The following CCDC30 variants were observed in gnomAD, a reference collection of about 807,000 sequenced individuals.
The protein encoded by CCDC30 is coiled-coil domain-containing protein 30.
CCDC30 carries 70 observed loss-of-function variants against 100.2 expected under a neutral mutation model. The ratio of observed to expected loss-of-function variants is 0.70; its 90% confidence interval spans 0.58 to 0.85. The LOEUF (loss-of-function observed/expected upper bound fraction) is 0.85. CCDC30 is among the 40% of genes least tolerant of loss of function. The pLI is 0.00. For synonymous variants in CCDC30, 233 were observed against 269.5 expected (o/e 0.86, Z 1.33); for missense variants, 652 against 771.2 (o/e 0.85, Z 1.83).
chr1:42,546,333 C>T (rs1317824797), intron 6 of CCDC30, among the ~76,000 whole-genome samples: 5 of 141,490 alleles, frequency 3.5e-5, no homozygotes, highest in African/African-American at 1.1e-4. Flanking sequence ...TGCGGTGAGC[C>T]GAGATCACGC....
chr1:42,605,445 T>A (rs7518965), intron 10 of CCDC30, among the ~76,000 whole-genome samples: 6,459 of 152,200 alleles, frequency 0.042, 441 homozygotes, highest in African/African-American at 0.14. Flanking sequence ...AAGTCACTTG[T>A]GTGTCCAAGT....
chr1:42,523,187 C>A lies in CCDC30; in HGVS notation c.456+24271C>A, dbSNP rs1291894124. ...CTTTTACTGAGATCTTTATTAATTT[C>A]ATATGGCTTTGGGTTGTTGTCTACT... is the stretch of plus-strand genomic sequence containing the variant. On this transcript the variant is annotated intron_variant, in intron 6 of 16. Coordinates refer to ENST00000668663, the Ensembl canonical transcript of CCDC30. Among the ~76,000 whole-genome samples, 5 of 152,148 alleles carry A rather than the reference C, an allele frequency of 3.3e-5. No homozygotes were observed. In the East Asian group the frequency reaches 9.6e-4, roughly 29 times the overall value.
chr1:42,610,868 C>A, intron 10 of CCDC30, 110 bp from the exon 15 acceptor site: 1 of 568,860 alleles, frequency 1.8e-6, no homozygotes. Flanking sequence ...ATCTCAGAAG[C>A]AGGAGTGACT....
chr1:42,532,762 A>T (rs1348614645), intron 6 of CCDC30, among the ~76,000 whole-genome samples: 1 of 151,964 alleles, frequency 6.6e-6, no homozygotes, highest in Non-Finnish European at 1.5e-5. Flanking sequence ...GAAAGTTTTT[A>T]TTTATTTATT....
At chr1:42,503,161 G>T (rs1314888016) in intron 6 of CCDC30, among the ~76,000 whole-genome samples, 1 of 152,180 alleles carries the variant, frequency 6.6e-6, no homozygotes. Context: ...TGGGATTATA[G>T]ACATGAGCCA....
chr1:42,549,876 C>T (rs1645214993), intron 6 of CCDC30, among the ~76,000 whole-genome samples: 1 of 152,180 alleles, frequency 6.6e-6, no homozygotes, highest in Non-Finnish European at 1.5e-5. Context: ...GCTTCCTTGA[C>T]CTTAATGAGC....
chr1:42,492,848 T>C (rs1644167637), intron 4 of CCDC30, among the ~76,000 whole-genome samples: 1 of 152,010 alleles, frequency 6.6e-6, no homozygotes, highest in Non-Finnish European at 1.5e-5. Flanking sequence ...GGTTTCACCA[T>C]GTTGGCCAGG....
chr1:42,526,832 A>G (rs1254099787), intron 6 of CCDC30, among the ~76,000 whole-genome samples: 1 of 152,202 alleles, frequency 6.6e-6, no homozygotes, highest in Non-Finnish European at 1.5e-5. Flanking sequence ...TTTGTCTTAT[A>G]GAATGAAACT....
intron 9 of CCDC30, among the ~76,000 whole-genome samples, chr1:42,583,731 T>C (rs908451871): frequency 1.3e-5 from 2 of 152,188 alleles, no homozygotes; most frequent in African/African-American, 4.8e-5. Context: ...AGGGACTTGG[T>C]CTTATGCAAT....
intron 7 of CCDC30, among the ~76,000 whole-genome samples, chr1:42,568,782 A>G (rs1645664258): frequency 6.6e-6 from 1 of 151,636 alleles, no homozygotes; most frequent in Non-Finnish European, 1.5e-5. Flanking sequence ...GTCCAAAAAA[A>G]AAAAAAAAGA....
At chr1:42,579,277 G>A (rs113680680) in intron 8 of CCDC30, among the ~76,000 whole-genome samples, 30,349 of 151,220 alleles carry the variant, frequency 0.2, 3,349 homozygotes, top group South Asian at 0.42. Context: ...GGCGTGAGCC[G>A]CCCTGGCTGA....
At chr1:42,530,772 T>A (rs971805167) in intron 6 of CCDC30, among the ~76,000 whole-genome samples, 1 of 152,212 alleles carries the variant, frequency 6.6e-6, no homozygotes, top group Non-Finnish European at 1.5e-5. Flanking sequence ...TGTAAAATAC[T>A]ATACCATCTT....
At chr1:42,482,750 G>T in exon 3 of CCDC30, 21 of 1,234,036 alleles carry the variant, frequency 1.7e-5, no homozygotes, top group Non-Finnish European at 2.0e-5. Context: ...GTTAGGGGTG[G>T]CTCATGAAGA....
intron 3 of CCDC30, among the ~76,000 whole-genome samples, chr1:42,487,685 G>C (rs1644074170): frequency 6.6e-6 from 1 of 151,986 alleles, no homozygotes; most frequent in East Asian, 1.9e-4. Flanking sequence ...GAGGAGACCA[G>C]GTAACAAAGA....
intron 8 of CCDC30, among the ~76,000 whole-genome samples, chr1:42,580,374 G>C (rs1039307239): frequency 2.0e-5 from 3 of 152,108 alleles, no homozygotes; most frequent in Non-Finnish European, 4.4e-5. Context: ...CCCTCTCTTA[G>C]AAAACGGGTG....
chr1:42,638,143 A>C (rs2148679160), intron 12 of CCDC30, among the ~76,000 whole-genome samples: 1 of 152,322 alleles, frequency 6.6e-6, no homozygotes, highest in Admixed American at 6.5e-5. Flanking sequence ...GACTATACAC[A>C]ATAAAGCATT....
chr1:42,586,527 A>C (rs1646073384), intron 9 of CCDC30, among the ~76,000 whole-genome samples: 1 of 151,702 alleles, frequency 6.6e-6, no homozygotes, highest in African/African-American at 2.4e-5. Flanking sequence ...TTGTTTTAGA[A>C]CTCCTGGCCT....
intron 6 of CCDC30, chr1:42,556,367 CAG>C: frequency 6.2e-7 from 1 of 1,614,046 alleles, no homozygotes; most frequent in Middle Eastern, 1.7e-4. Flanking sequence ...TCTTCAGTCT[CAG>C]AGCTCTGGGG....
At position 42,576,065 on chromosome 1, in the gene CCDC30, C is replaced by T. The variant is rs112938182; in HGVS notation, c.637-955C>T. Among the ~76,000 whole-genome samples the T allele has an allele frequency of 1.3e-5, 2 of 152,144 alleles. 1 individual carries two copies. Among genetic ancestry groups the T allele is most frequent in the African/African-American group, 4.8e-5 (2 of 41,414 alleles). On this transcript the variant is annotated intron_variant, in intron 7 of 16. Coordinates refer to ENST00000668663, the Ensembl canonical transcript of CCDC30. ...GCCAGAGTGTACAAAACCAGGCAAGCTGGTGGGATCTGGAGTGAGGGACCA... is the reference window on the plus strand; with the variant it reads ...GCCAGAGTGTACAAAACCAGGCAAGTTGGTGGGATCTGGAGTGAGGGACCA...
Sources: gnomAD v4.1 joint callset for allele counts (sites outside exome capture counted in the v4.1 genomes callset) on GRCh38, gnomAD v4.1.1 for gene constraint, MANE v1.5 for transcripts, NCBI Gene and HGNC (gene_info 2026-07-23, HGNC 2026-07-21) for gene names.